The following EXOC6B variants were observed in gnomAD, a reference collection of about 807,000 sequenced individuals.
EXOC6B encodes exocyst complex component 6B, also known as SEC15 homolog B.
EXOC6B carries 54 observed loss-of-function variants against 113.5 expected under a neutral mutation model. The observed-to-expected ratio is 0.48, with a 90% CI of 0.38 to 0.60. EXOC6B has a LOEUF of 0.60. Among genes scored for constraint, EXOC6B ranks in the 20% least tolerant of loss-of-function variants. The probability of loss-of-function intolerance (pLI) is 0.00; values close to 1 mark genes in which losing one functional copy is unlikely to be tolerated. For synonymous variants in EXOC6B, 357 were observed against 339.0 expected (o/e 1.05, Z -0.58); for missense variants, 797 against 977.5 (o/e 0.82, Z 2.46).
At chr2:72,467,492 T>A (rs1191559666) in intron 17 of EXOC6B, among the ~76,000 whole-genome samples, 1 of 152,178 alleles carries the variant, frequency 6.6e-6, no homozygotes, top group Non-Finnish European at 1.5e-5. Context: ...CTCCAATACT[T>A]ACCATTTGTC....
At chr2:72,367,748 C>A (rs1422833051) in intron 19 of EXOC6B, among the ~76,000 whole-genome samples, 1 of 152,136 alleles carries the variant, frequency 6.6e-6, no homozygotes, top group Non-Finnish European at 1.5e-5. Flanking sequence ...AGTGCAGCAA[C>A]TGGGGGACTT....
At chr2:72,741,213 T>C (rs1573721766) in intron 2 of EXOC6B, 91 bp downstream of exon 2, 1 of 1,228,270 alleles carries the variant, frequency 8.1e-7, no homozygotes, top group East Asian at 2.5e-5. Flanking sequence ...TCACTACAAA[T>C]ATGTGTTCTA....
chr2:72,697,565 T>G (rs1677984811), intron 6 of EXOC6B, among the ~76,000 whole-genome samples: 1 of 152,006 alleles, frequency 6.6e-6, no homozygotes, highest in African/African-American at 2.4e-5. Context: ...ATGCCTGTGG[T>G]TCCAGCTACT....
intron 20 of EXOC6B, among the ~76,000 whole-genome samples, chr2:72,332,458 G>A (rs1472892771): frequency 1.3e-5 from 2 of 152,050 alleles, no homozygotes; most frequent in Admixed American, 6.6e-5. Context: ...CAAATAGGAA[G>A]CTCAATAAAT....
At chr2:72,557,512 C>G (rs1399119395) in intron 8 of EXOC6B, among the ~76,000 whole-genome samples, 1 of 152,000 alleles carries the variant, frequency 6.6e-6, no homozygotes, top group Non-Finnish European at 1.5e-5. Context: ...ATGGATGGAG[C>G]AGGAGACTGT....
intron 20 of EXOC6B, among the ~76,000 whole-genome samples, chr2:72,189,860 C>CTTCTTTTTTTTTTTT (rs1178321834): frequency 5.7e-5 from 5 of 87,252 alleles, no homozygotes; most frequent in African/African-American, 1.3e-4. Flanking sequence ...CCTTCTTCTT[C>CTTCTTTTTTTTTTTT]TTTTTTTTTT....
intron 6 of EXOC6B, among the ~76,000 whole-genome samples, chr2:72,714,421 T>C (rs1026597762): frequency 7.2e-5 from 11 of 152,170 alleles, no homozygotes; most frequent in Non-Finnish European, 1.2e-4. Flanking sequence ...TATAAGTGAA[T>C]AAAGAGTAAG....
chr2:72,213,238 C>T lies in EXOC6B; in HGVS notation c.2197-29051G>A, dbSNP rs555396276. On this transcript the variant is annotated intron_variant, in intron 20 of 21. Coordinates refer to ENST00000272427, the MANE Select transcript of EXOC6B (RefSeq NM_015189.3). Reference sequence around the variant, plus strand: ...TGGTATTTAAGCCCCAGCAACCATCCGATTGCAACCTCATGAGAGATGCTA... The same window carrying T: ...TGGTATTTAAGCCCCAGCAACCATCTGATTGCAACCTCATGAGAGATGCTA... Among the ~76,000 whole-genome samples the T allele has an allele frequency of 5.3e-5, 8 of 152,316 alleles. No individual in the cohort carries two copies. The East Asian group carries it at 7.7e-4, about 15-fold the overall frequency.
intron 20 of EXOC6B, among the ~76,000 whole-genome samples, chr2:72,231,515 A>G (rs1160501109): frequency 3.3e-5 from 5 of 152,202 alleles, no homozygotes; most frequent in Admixed American, 3.3e-4. Context: ...ACATTTGAAT[A>G]CATACAAATT....
At chr2:72,431,806 C>T (rs1041028138) in intron 18 of EXOC6B, among the ~76,000 whole-genome samples, 4 of 152,042 alleles carry the variant, frequency 2.6e-5, no homozygotes, top group African/African-American at 7.2e-5. Flanking sequence ...TAGCCTCCCA[C>T]ACCCCAACGA....
intron 18 of EXOC6B, among the ~76,000 whole-genome samples, chr2:72,402,942 G>A (rs1025316718): frequency 1.3e-5 from 2 of 152,004 alleles, no homozygotes; most frequent in Admixed American, 6.6e-5. Flanking sequence ...TTGAATAGCA[G>A]GAGCAACAAC....
At chr2:72,352,002 A>G (rs1689677590) in intron 19 of EXOC6B, among the ~76,000 whole-genome samples, 1 of 152,060 alleles carries the variant, frequency 6.6e-6, no homozygotes, top group Non-Finnish European at 1.5e-5. Context: ...TTTCTCTCAC[A>G]ATTTGTACAT....
intron 19 of EXOC6B, among the ~76,000 whole-genome samples, chr2:72,349,274 C>T (rs1222582304): frequency 6.6e-6 from 1 of 152,158 alleles, no homozygotes; most frequent in Non-Finnish European, 1.5e-5. Flanking sequence ...GCTTCAAAAA[C>T]TCGTGGAATT....
chr2:72,549,729 T>A (rs1170024645), intron 8 of EXOC6B, among the ~76,000 whole-genome samples: 2 of 151,970 alleles, frequency 1.3e-5, no homozygotes, highest in East Asian at 3.9e-4. Context: ...GGGTTCCAAA[T>A]CATGAGAATA....
intron 19 of EXOC6B, among the ~76,000 whole-genome samples, chr2:72,371,728 C>A (rs549824974): frequency 4.9e-4 from 74 of 152,222 alleles, no homozygotes; most frequent in South Asian, 2.3e-3. Flanking sequence ...TAGTATCATA[C>A]TGAATGGAGA....
intron 1 of EXOC6B, among the ~76,000 whole-genome samples, chr2:72,807,439 T>A (rs1181012588): frequency 3.3e-5 from 5 of 152,208 alleles, no homozygotes; most frequent in Non-Finnish European, 5.9e-5. Context: ...TAGTATAGTT[T>A]GAAGTCAGAT....
At chr2:72,769,971 A>C (rs1254786415) in intron 1 of EXOC6B, among the ~76,000 whole-genome samples, 1 of 152,174 alleles carries the variant, frequency 6.6e-6, no homozygotes, top group Non-Finnish European at 1.5e-5. Flanking sequence ...AAGGAAACAA[A>C]ACATGAGCCA....
At chr2:72,405,681 C>T (rs1368141345) in intron 18 of EXOC6B, among the ~76,000 whole-genome samples, 2 of 152,116 alleles carry the variant, frequency 1.3e-5, no homozygotes, top group African/African-American at 2.4e-5. Context: ...CAGGCCTGCC[C>T]TACAAGAGCT....
intron 5 of EXOC6B, among the ~76,000 whole-genome samples, chr2:72,720,372 T>C (rs528285399): frequency 1.3e-5 from 2 of 152,242 alleles, no homozygotes; most frequent in South Asian, 2.1e-4. Context: ...TCCAACTACA[T>C]ATTGTCTACA....
Sources: allele counts gnomAD v4.1 joint callset (sites outside exome capture counted in the v4.1 genomes callset), GRCh38; gene constraint gnomAD v4.1.1; transcripts MANE v1.5; gene names NCBI Gene and HGNC (gene_info 2026-07-23, HGNC 2026-07-21).